Variants in FAM219B observed in about 807,000 individuals in gnomAD.
The protein encoded by FAM219B is protein FAM219B.
Under a neutral mutation model 19.9 loss-of-function variants are expected in FAM219B, and 18 were observed. The ratio of observed to expected loss-of-function variants is 0.91; its 90% CI spans 0.63 to 1.34. FAM219B has a LOEUF of 1.34. Among genes scored for constraint, FAM219B ranks in the 40% most tolerant of loss-of-function variants. FAM219B has a pLI of 0.00. For missense variants in FAM219B, 283 were observed against 270.5 expected, an observed-to-expected ratio of 1.05 and a Z score of -0.32; for synonymous variants, 123 against 117.5, an observed-to-expected ratio of 1.05 and a Z score of -0.30.
intron 4 of FAM219B, among the ~76,000 whole-genome samples, chr15:74,904,411 G>A (rs1317602312): frequency 3.9e-5 from 6 of 152,158 alleles, no homozygotes; most frequent in Non-Finnish European, 1.5e-5. Flanking sequence ...CTACAGGCAT[G>A]TACCACCATG....
chr15:74,906,757 G>T lies in FAM219B; in HGVS notation c.44C>A (p.Thr15Asn). The change falls in exon 1 of 5, where the codon ACC (threonine) becomes AAC (asparagine). Residue 15 changes from threonine to asparagine, a missense_variant. Physicochemically the swap from Thr to Asn is moderately conservative, Grantham distance 65. Coordinates refer to ENST00000357635, the MANE Select transcript of FAM219B (RefSeq NM_020447.5). ...EPSGRALRLS[T>N]PGPRPSGARD... is the part of the protein sequence containing the mutation. ...AGCCCCGCTGGGCCGGGGTCCCGGG[G>T]TAGACAACCGCAACGCGCGCCCGCT... 1 of 1,313,110 alleles carries T rather than the reference G, an allele frequency of 7.6e-7. No homozygotes were observed. Among genetic ancestry groups the T allele is most frequent in the Non-Finnish European group, 9.7e-7 (1 of 1,029,558 alleles). 81.3% of individuals were successfully genotyped at this position (1,313,110 alleles called of 1,614,324 possible).
downstream of FAM219B, chr15:74,898,777 G>C (rs1230932175): frequency 6.6e-6 from 1 of 152,144 alleles, no homozygotes; most frequent in Non-Finnish European, 1.5e-5. Context: ...CTGACCTCGT[G>C]ATCCGCCCAC....
At chr15:74,905,050 C>T (rs1335710898) in intron 3 of FAM219B, 104 bp downstream of exon 3, 2 of 1,585,556 alleles carry the variant, frequency 1.3e-6, no homozygotes, top group East Asian at 2.3e-5. Context: ...CTGGAATGTA[C>T]ATGAAGGGCC....
rs1350863897 is a variant in FAM219B, at chr15:74,900,296, C to T, written c.*2323G>A. 6.6e-6 allele frequency: 1 copy of T among 152,368 alleles called. No individual in the cohort carries two copies. The highest frequency in any genetic ancestry group is 2.4e-5 in the African/African-American group (1 of 41,460). 9.4% of individuals were successfully genotyped at this position (152,368 alleles called of 1,614,324 possible). ...TCCAGCTTTTTCTACAAGGTAACAC[C>T]CTCCTACATGGGGTCAGCCAGCTCA... On this transcript the variant is annotated 3_prime_UTR_variant, in exon 5 of 5. Transcript: ENST00000357635.
At chr15:74,905,665 G>A (rs1329460223) in intron 2 of FAM219B, 5 of 197,784 alleles carry the variant, frequency 2.5e-5, no homozygotes, top group Non-Finnish European at 5.4e-5. Context: ...CACCCGCCTC[G>A]GCTTCCCAAA....
chr15:74,906,276 A>C lies in FAM219B; in HGVS notation c.302+2T>G. ...CACAGAGGAGGTGGCGCCTGCTGAG[A>C]CCTTTTCCCTGAAGAGTCTGGGCGG... On this transcript the variant is annotated splice_donor_variant, in intron 2 of 4. Transcript: ENST00000357635. LOFTEE classifies it high-confidence loss of function. 3 of 1,613,102 alleles carry C rather than the reference A, an allele frequency of 1.9e-6. No individual in the cohort carries two copies. The highest frequency in any genetic ancestry group is 2.5e-6 in the Non-Finnish European group (3 of 1,179,806).
chr15:74,898,542 T>C (rs2064857847), downstream of FAM219B: 2 of 135,712 alleles, frequency 1.5e-5, no homozygotes, highest in Non-Finnish European at 3.3e-5. Context: ...TGTTTTTCTC[T>C]TTTTTTTTTT....
In FAM219B at chr15:74,900,898, A is replaced by G. The variant is rs1418209993; in HGVS notation, c.*1721T>C. The G allele has an allele frequency of 6.6e-6, 1 of 152,224 alleles. No homozygotes were observed. The highest frequency in any genetic ancestry group is 1.5e-5 in the Non-Finnish European group (1 of 68,052). 9.4% of individuals were successfully genotyped at this position (152,224 alleles called of 1,614,324 possible). ...ACCTTCCATGGTTTGAGAAAAACACAAAGATAGATGTCCATCAGGCACTCA... is the reference window on the plus strand; with the variant it reads ...ACCTTCCATGGTTTGAGAAAAACACGAAGATAGATGTCCATCAGGCACTCA... On this transcript the variant is annotated 3_prime_UTR_variant, in exon 5 of 5. Coordinates refer to ENST00000357635, the MANE Select transcript of FAM219B (RefSeq NM_020447.5).
rs1416217976 is a variant in FAM219B at position 74,906,701 on chromosome 15, G to A, written c.100C>T (p.Pro34Ser). Residue 34 changes from proline (P) to serine (S), a missense_variant, in exon 1 of 5, where the codon CCC (proline) becomes TCC (serine). Pro to Ser is a moderately conservative substitution (Grantham distance 74). Transcript: ENST00000357635. Reference protein sequence around the residue: ...RDRAPGAAGPPSGQIGNRALR... With the variant: ...RDRAPGAAGPSSGQIGNRALR... ...GCTCTATTACCGATCTGCCCGGAGG[G>A]TGGCCCCGCAGCTCCCGGCGCGCGG... 1.4e-6 allele frequency: 2 copies of A among 1,417,292 alleles called. No individual in the cohort carries two copies. Among genetic ancestry groups the A allele is most frequent in the East Asian group, 5.5e-5 (2 of 36,152 alleles). 87.8% of individuals were successfully genotyped at this position (1,417,292 alleles called of 1,614,324 possible).
chr15:74,898,600 C>G (rs1396339191), downstream of FAM219B: 1 of 151,916 alleles, frequency 6.6e-6, no homozygotes, highest in African/African-American at 2.4e-5. Context: ...TGCAGTGGCA[C>G]GATCTCGGCT....
Position 74,901,393 on chromosome 15 carries a change from A to AG in FAM219B, c.*1225dup, listed in dbSNP as rs1233517691. 1 of 152,104 alleles carries AG rather than the reference A, an allele frequency of 6.6e-6. No individual in the cohort carries two copies. Among genetic ancestry groups the AG allele is most frequent in the Admixed American group, 6.5e-5 (1 of 15,272 alleles). 9.4% of individuals were successfully genotyped at this position (152,104 alleles called of 1,614,324 possible). A position where few individuals can be genotyped will look rare whatever the true frequency, so the allele number is the denominator to read the frequency against. ...AAGATATACTCTCCAATTTGTGGGT[A>AG]GGGGGTGTCACAGCAGAAATTATGC... On this transcript the variant is annotated 3_prime_UTR_variant, in exon 5 of 5. Transcript: ENST00000357635.
At position 74,902,385 on chromosome 15, in the gene FAM219B, TAAAGTGACTTCTCC is replaced by T; in HGVS notation, c.*220_*233del. 4.8e-6 allele frequency: 2 copies of T among 412,798 alleles called. No individual in the cohort carries two copies. Among genetic ancestry groups the T allele is most frequent in the Non-Finnish European group, 8.5e-6 (2 of 236,068 alleles). 25.6% of individuals were successfully genotyped at this position (412,798 alleles called of 1,614,324 possible). On this transcript the variant is annotated 3_prime_UTR_variant, in exon 5 of 5. Transcript: ENST00000357635. ...CCAGAATTTTCTGTCTTGCCCTTATTAAAGTGACTTCTCCAAACTCTGCTCCAACAGCAGAGGAA... is the reference window on the plus strand; with the variant it reads ...CCAGAATTTTCTGTCTTGCCCTTATTAAACTCTGCTCCAACAGCAGAGGAA...
At position 74,906,586 on chromosome 15, in the gene FAM219B, C is replaced by G. The variant is rs776624467; in HGVS notation, c.214+1G>C. ...TCCCCCGACCATCGGGCCACACTCA[C>G]GCAGCTTGGCTTGAATGGAGGGTGC... On this transcript the variant is annotated splice_donor_variant, in intron 1 of 4. Coordinates refer to ENST00000357635, the MANE Select transcript of FAM219B (RefSeq NM_020447.5). LOFTEE classifies it high-confidence loss of function. The G allele has an allele frequency of 5.3e-6, 8 of 1,505,602 alleles. No individual in the cohort carries two copies. Among genetic ancestry groups the G allele is most frequent in the Non-Finnish European group, 6.2e-6 (7 of 1,129,076 alleles). 93.3% of individuals were successfully genotyped at this position (1,505,602 alleles called of 1,614,324 possible).
intron 4 of FAM219B, 31 bp downstream of exon 4, chr15:74,904,633 G>T (rs760143659): frequency 6.2e-7 from 1 of 1,613,442 alleles, no homozygotes; most frequent in South Asian, 1.1e-5. Flanking sequence ...CCTGCAGCCT[G>T]GCCCTGCACA....
At chr15:74,899,325 C>T (rs891084087), downstream of FAM219B, 2 of 152,198 alleles carry the variant, frequency 1.3e-5, no homozygotes, top group African/African-American at 4.8e-5. Context: ...GGCTTCTGCC[C>T]ACACTAGAGT....
At chr15:74,903,034 T>A (rs969669625) in intron 4 of FAM219B, among the ~76,000 whole-genome samples, 1 of 152,180 alleles carries the variant, frequency 6.6e-6, no homozygotes, top group African/African-American at 2.4e-5. Context: ...CACTAAATCC[T>A]GAGGCATTCA....
rs2064928847 is a variant in FAM219B at position 74,900,935 on chromosome 15, T to C, written c.*1684A>G. On this transcript the variant is annotated 3_prime_UTR_variant, in exon 5 of 5. Coordinates refer to ENST00000357635, the MANE Select transcript of FAM219B (RefSeq NM_020447.5). ...CCATCAGGCACTCACAGGATTACCATCGTAAGGATGGTTGTCAGACAAATA... is the reference window on the plus strand; with the variant it reads ...CCATCAGGCACTCACAGGATTACCACCGTAAGGATGGTTGTCAGACAAATA... 6.6e-6 allele frequency: 1 copy of C among 152,200 alleles called. No individual in the cohort carries two copies. Among genetic ancestry groups the C allele is most frequent in the African/African-American group, 2.4e-5 (1 of 41,436 alleles). 9.4% of individuals were successfully genotyped at this position (152,200 alleles called of 1,614,324 possible).
At chr15:74,903,600 C>CAAAAAAAAAAAAAAAAA (rs60354993) in intron 4 of FAM219B, among the ~76,000 whole-genome samples, 77 of 46,002 alleles carry the variant, frequency 1.7e-3, no homozygotes, top group Non-Finnish European at 2.5e-3. Flanking sequence ...GACTCTGTCT[C>CAAAAAAAAAAAAAAAAA]AAAAAAAAAA....
intron 2 of FAM219B, chr15:74,906,010 T>C (rs1468198665): frequency 9.2e-6 from 4 of 434,648 alleles, no homozygotes; most frequent in Non-Finnish European, 1.7e-5. Flanking sequence ...CCAGCCACCA[T>C]TCTCCTCCCT....
Sources: allele counts gnomAD v4.1 joint callset (sites outside exome capture counted in the v4.1 genomes callset), GRCh38; gene constraint gnomAD v4.1.1; transcripts MANE v1.5; gene names NCBI Gene and HGNC (gene_info 2026-07-23, HGNC 2026-07-21).